The following ASCC3 variants were observed in gnomAD, a reference collection of about 807,000 sequenced individuals.
The protein encoded by ASCC3 is ASC-1 complex subunit P200.
ASCC3 carries 158 observed loss-of-function variants against 256.3 expected under a neutral mutation model. The ratio of observed to expected loss-of-function variants is 0.62; its 90% CI spans 0.54 to 0.70. The LOEUF (loss-of-function observed/expected upper bound fraction) is 0.70, where lower values mean the gene tolerates loss of function less well. ASCC3 is among the 30% of genes least tolerant of loss of function. ASCC3 has a pLI of 0.00. For missense variants in ASCC3, 2,259 were observed against 2,626.0 expected (o/e 0.86, Z 3.05); for synonymous variants, 948 against 883.4 (o/e 1.07, Z -1.30).
chr6:100,833,690 A>C (rs185219202), intron 4 of ASCC3, among the ~76,000 whole-genome samples: 5 of 152,352 alleles, frequency 3.3e-5, no homozygotes, highest in Admixed American at 2.6e-4. Flanking sequence ...ATTATCGATG[A>C]AAATGATTAT....
At chr6:100,867,776 C>T in intron 2 of ASCC3, 132 bp downstream of exon 2, 1 of 757,422 alleles carries the variant, frequency 1.3e-6, no homozygotes, top group South Asian at 1.6e-5. Flanking sequence ...ACACATTCTC[C>T]ATCTTTGCCT....
At chr6:100,586,369 G>A (rs1771681164) in intron 36 of ASCC3, among the ~76,000 whole-genome samples, 2 of 152,176 alleles carry the variant, frequency 1.3e-5, no homozygotes, top group Admixed American at 1.3e-4. Flanking sequence ...GACTCCGTGG[G>A]CGTAGGACCC....
intron 8 of ASCC3, among the ~76,000 whole-genome samples, chr6:100,784,161 A>C (rs1172860113): frequency 1.3e-5 from 2 of 152,184 alleles, no homozygotes; most frequent in Non-Finnish European, 2.9e-5. Context: ...ATTTTTAACC[A>C]AGTAACATAA....
At chr6:100,639,884 G>A (rs747830461) in intron 24 of ASCC3, among the ~76,000 whole-genome samples, 19 of 152,148 alleles carry the variant, frequency 1.2e-4, no homozygotes, top group South Asian at 2.1e-4. Flanking sequence ...GGAGGCCGAA[G>A]CGGATGGATC....
In ASCC3 at chr6:100,828,108, A is replaced by AAAC. The variant is rs398002429; in HGVS notation, c.801+20039_801+20040insGTT. ...AGTATTTTCTAAAAAAAAAAAAAAA[A>AAAC]CGAAAAAAAGCTTAACACTGAAAAA... On this transcript the variant is annotated intron_variant, in intron 4 of 41. Transcript: ENST00000369162. Among the ~76,000 whole-genome samples, 77 of 143,668 alleles carry AAAC rather than the reference A, an allele frequency of 5.4e-4. 2 individuals are homozygous for AAAC. The highest frequency in any genetic ancestry group is 1.7e-4 in the Non-Finnish European group (11 of 65,720). 94.3% of individuals were successfully genotyped at this position (143,668 alleles called of 152,430 possible).
At chr6:100,647,969 A>C (rs1775467734) in intron 20 of ASCC3, among the ~76,000 whole-genome samples, 1 of 152,134 alleles carries the variant, frequency 6.6e-6, no homozygotes, top group South Asian at 2.1e-4. Context: ...TAAACCAAAC[A>C]ATGTGTTAAC....
At chr6:100,789,707 C>T (rs1314077417) in intron 8 of ASCC3, among the ~76,000 whole-genome samples, 1 of 151,866 alleles carries the variant, frequency 6.6e-6, no homozygotes, top group Non-Finnish European at 1.5e-5. Flanking sequence ...TTTGTTTGAA[C>T]TTCTTGTATA....
chr6:100,738,482 C>T (rs1342324133), intron 10 of ASCC3, among the ~76,000 whole-genome samples: 2 of 152,092 alleles, frequency 1.3e-5, no homozygotes, highest in African/African-American at 4.8e-5. Flanking sequence ...GAATCCTTTC[C>T]CCACTGCTTG....
At chr6:100,802,897 A>C (rs1009314197) in intron 5 of ASCC3, among the ~76,000 whole-genome samples, 1 of 151,840 alleles carries the variant, frequency 6.6e-6, no homozygotes, top group African/African-American at 2.4e-5. Flanking sequence ...GGACCCATCT[A>C]CTCGGGAGGC....
chr6:100,706,413 A>C lies in ASCC3; in HGVS notation c.2151+9049T>G, dbSNP rs544385978. On this transcript the variant is annotated intron_variant, in intron 13 of 41. Coordinates refer to ENST00000369162, the MANE Select transcript of ASCC3 (RefSeq NM_006828.4). Reference sequence around the variant, plus strand: ...CCTTCTAATACAAGCAGAAGACAGAACACTACAGCTTAGTTAAGGTCAAAG... The same window carrying C: ...CCTTCTAATACAAGCAGAAGACAGACCACTACAGCTTAGTTAAGGTCAAAG... 5.9e-5 allele frequency among the ~76,000 whole-genome samples: 9 copies of C among 151,272 alleles called. No homozygotes were observed. The South Asian group carries it at 1.5e-3, about 25-fold the overall frequency.
At chr6:100,681,177 T>A (rs1181046742) in intron 13 of ASCC3, among the ~76,000 whole-genome samples, 2 of 152,172 alleles carry the variant, frequency 1.3e-5, no homozygotes, top group Non-Finnish European at 2.9e-5. Context: ...ACTGGAATGC[T>A]TAAATAACTA....
chr6:100,639,846 G>A (rs1347006985), intron 24 of ASCC3, among the ~76,000 whole-genome samples: 1 of 152,200 alleles, frequency 6.6e-6, no homozygotes, highest in Non-Finnish European at 1.5e-5. Context: ...CGGGAGCGGT[G>A]GCTCAAGCCT....
chr6:100,589,267 A>C (rs1771862427), intron 36 of ASCC3, among the ~76,000 whole-genome samples: 1 of 152,130 alleles, frequency 6.6e-6, no homozygotes, highest in Non-Finnish European at 1.5e-5. Context: ...ATCACAGCTA[A>C]GTATTCAACA....
chr6:100,545,291 C>T (rs747106656), intron 36 of ASCC3, among the ~76,000 whole-genome samples: 11 of 152,072 alleles, frequency 7.2e-5, no homozygotes, highest in Non-Finnish European at 1.3e-4. Flanking sequence ...GCTTCTCTTG[C>T]CCCAGCCTCC....
chr6:100,557,845 A>G (rs1769691143), intron 36 of ASCC3, among the ~76,000 whole-genome samples: 1 of 152,030 alleles, frequency 6.6e-6, no homozygotes, highest in African/African-American at 2.4e-5. Context: ...TAAGTAAAAG[A>G]ATATAATTGG....
chr6:100,613,392 T>C (rs1773506701), intron 30 of ASCC3, among the ~76,000 whole-genome samples: 1 of 152,136 alleles, frequency 6.6e-6, no homozygotes, highest in African/African-American at 2.4e-5. Flanking sequence ...AGTGAGAACA[T>C]GCAATATTTG....
At chr6:100,519,236 T>A (rs955533428) in intron 37 of ASCC3, among the ~76,000 whole-genome samples, 2 of 152,144 alleles carry the variant, frequency 1.3e-5, no homozygotes, top group African/African-American at 4.8e-5. Flanking sequence ...GTTTTCTTAG[T>A]ATATTACAGA....
rs966186693 is a variant in ASCC3 at position 100,848,467 on chromosome 6, A to G, written c.482T>C (p.Val161Ala). The change falls in exon 4 of 42, where the codon GTT becomes GCT. Residue 161 changes from valine (V) to alanine (A), a missense_variant. Val to Ala is a moderately conservative substitution (Grantham distance 64, BLOSUM62 0). Around this residue, in one of 2 missense-constraint regions of ASCC3, gnomAD observed 420 missense variants for 419.3 expected, o/e 1.00. Coordinates refer to ENST00000369162, the MANE Select transcript of ASCC3 (RefSeq NM_006828.4). Reference sequence around the variant, plus strand: ...AAATGCTAAATTTTTACCAAAAAAAACCCTATCGCCATGTTCTTTTTCTGT... The same window carrying G: ...AAATGCTAAATTTTTACCAAAAAAAGCCCTATCGCCATGTTCTTTTTCTGT... ...QMTEKEHGDR[V>A]FFGKNLAFSF... 1 of 1,611,374 alleles carries G rather than the reference A, an allele frequency of 6.2e-7. No individual in the cohort carries two copies. Among genetic ancestry groups the G allele is most frequent in the Non-Finnish European group, 8.5e-7 (1 of 1,178,674 alleles).
intron 13 of ASCC3, among the ~76,000 whole-genome samples, chr6:100,681,725 C>CAAAAA (rs10696130): frequency 0.025 from 1,421 of 56,442 alleles, 127 homozygotes; most frequent in African/African-American, 0.059. Context: ...GACTCCGTCT[C>CAAAAA]AAAAAAAAAA....
Sources: allele counts gnomAD v4.1 joint callset (sites outside exome capture counted in the v4.1 genomes callset), GRCh38; gene constraint gnomAD v4.1.1; regional missense constraint gnomAD v4.1.1; transcripts MANE v1.5; gene names NCBI Gene and HGNC (gene_info 2026-07-23, HGNC 2026-07-21).